Variants in HCN1 observed in about 807,000 individuals in gnomAD.
HCN1 encodes the protein potassium/sodium hyperpolarization-activated cyclic nucleotide-gated channel 1.
A neutral mutation model predicts 78.9 loss-of-function variants in HCN1; 13 were observed. The ratio of observed to expected loss-of-function variants is 0.16; its 90% CI spans 0.11 to 0.26. The LOEUF is 0.26. Ranked by LOEUF, HCN1 falls within the 10% of genes least tolerant of loss-of-function variation. The pLI is 1.00. For missense variants in HCN1, 810 were observed against 1,154.3 expected (o/e 0.70, Z 4.32); for synonymous variants, 552 against 455.5 (o/e 1.21, Z -2.70).
At chr5:45,345,929 G>A (rs964659481) in intron 5 of HCN1, among the ~76,000 whole-genome samples, 10 of 152,148 alleles carry the variant, frequency 6.6e-5, no homozygotes, top group African/African-American at 1.9e-4. Flanking sequence ...AGACATACTC[G>A]AAAATGAGTT....
At chr5:45,593,212 GCACA>G (rs58822250) in intron 2 of HCN1, among the ~76,000 whole-genome samples, 69,566 of 149,326 alleles carry the variant, frequency 0.47, 18,136 homozygotes, top group Non-Finnish European at 0.57. Flanking sequence ...GCACGCACGC[GCACA>G]CACACACACA....
intron 2 of HCN1, among the ~76,000 whole-genome samples, chr5:45,625,122 G>T (rs934685394): frequency 6.6e-6 from 1 of 152,208 alleles, no homozygotes; most frequent in South Asian, 2.1e-4. Context: ...AGCCAACATA[G>T]TGAAACCCCA....
At chr5:45,464,656 T>C (rs992659171) in intron 2 of HCN1, among the ~76,000 whole-genome samples, 2 of 151,796 alleles carry the variant, frequency 1.3e-5, no homozygotes, top group Admixed American at 1.3e-4. Context: ...TAAAAGAGCA[T>C]ATGTAAAGTA....
intron 3 of HCN1, among the ~76,000 whole-genome samples, chr5:45,429,652 G>A (rs554639319): frequency 6.6e-6 from 1 of 152,204 alleles, no homozygotes; most frequent in Non-Finnish European, 1.5e-5. Flanking sequence ...AAAGCAGAAT[G>A]TTTGAGATTT....
intron 5 of HCN1, among the ~76,000 whole-genome samples, chr5:45,349,654 A>G (rs1746840806): frequency 6.6e-6 from 1 of 152,202 alleles, no homozygotes; most frequent in South Asian, 2.1e-4. Flanking sequence ...AAAAGAGAAA[A>G]GAATGAAATA....
chr5:45,324,483 A>C (rs914882876), intron 5 of HCN1, among the ~76,000 whole-genome samples: 7 of 152,004 alleles, frequency 4.6e-5, no homozygotes, highest in African/African-American at 1.7e-4. Flanking sequence ...AATGACGATC[A>C]TTAAAAGTCA....
intron 1 of HCN1, among the ~76,000 whole-genome samples, chr5:45,656,467 C>A (rs1212377848): frequency 3.3e-5 from 5 of 152,168 alleles, no homozygotes; most frequent in Non-Finnish European, 5.9e-5. Context: ...TGCAAACATT[C>A]ATTGAGCAGC....
intron 3 of HCN1, among the ~76,000 whole-genome samples, chr5:45,448,566 C>G (rs1740844923): frequency 6.6e-6 from 1 of 152,142 alleles, no homozygotes; most frequent in South Asian, 2.1e-4. Flanking sequence ...AAAATAAAAA[C>G]AAAGTTTTAC....
chr5:45,491,179 C>T (rs941360846), intron 2 of HCN1, among the ~76,000 whole-genome samples: 2 of 152,000 alleles, frequency 1.3e-5, no homozygotes, highest in Admixed American at 1.3e-4. Context: ...CATGTATTGC[C>T]CTAGAACTCT....
intron 3 of HCN1, among the ~76,000 whole-genome samples, chr5:45,460,786 A>G (rs1163850274): frequency 6.6e-6 from 1 of 151,978 alleles, no homozygotes; most frequent in Non-Finnish European, 1.5e-5. Context: ...TTAACTGTCA[A>G]TGTAAATCGC....
At chr5:45,381,312 A>G (rs1447433045) in intron 4 of HCN1, among the ~76,000 whole-genome samples, 2 of 152,106 alleles carry the variant, frequency 1.3e-5, no homozygotes, top group Non-Finnish European at 2.9e-5. Flanking sequence ...TTTCTTCCCA[A>G]AACGTAGATT....
In HCN1 at chr5:45,695,728, C is replaced by T; in HGVS notation, c.366G>A (p.Lys122=). 1 of 1,612,610 alleles carries T rather than the reference C, an allele frequency of 6.2e-7. No individual in the cohort carries two copies. Among genetic ancestry groups the T allele is most frequent in the Non-Finnish European group, 8.5e-7 (1 of 1,179,738 alleles). The stretch of plus-strand genomic sequence containing the variant: ...CTGCAGTTTTAACCCTTTCCTGCTC[C>T]TTTTCCACCGCCTTCTGGCTCCCAA... ...RMFGSQKAVE[K]EQERVKTAGF... The change falls in exon 1 of 8, where the codon AAG becomes AAA. Residue 122 remains lysine (K), a synonymous_variant. Coordinates refer to ENST00000303230, the MANE Select transcript of HCN1 (RefSeq NM_021072.4).
chr5:45,332,400 T>C (rs1183223196), intron 5 of HCN1, among the ~76,000 whole-genome samples: 5 of 151,420 alleles, frequency 3.3e-5, no homozygotes, highest in Non-Finnish European at 5.9e-5. Flanking sequence ...TATAGTCACC[T>C]TGCTGTGCTG....
intron 3 of HCN1, among the ~76,000 whole-genome samples, chr5:45,409,367 C>A (rs183095142): frequency 6.6e-6 from 1 of 151,920 alleles, no homozygotes; most frequent in African/African-American, 2.4e-5. Flanking sequence ...AAATCTAATG[C>A]TTAGAGATGG....
At chr5:45,560,802 T>G (rs1743582655) in intron 2 of HCN1, among the ~76,000 whole-genome samples, 1 of 152,100 alleles carries the variant, frequency 6.6e-6, no homozygotes, top group Non-Finnish European at 1.5e-5. Flanking sequence ...CACAGTCATA[T>G]TGCTTTTAGT....
intron 3 of HCN1, among the ~76,000 whole-genome samples, chr5:45,437,343 T>C (rs1385742594): frequency 6.6e-6 from 1 of 152,216 alleles, no homozygotes; most frequent in Non-Finnish European, 1.5e-5. Flanking sequence ...TTAGTTAATA[T>C]ATTTCAATTT....
At chr5:45,407,408 T>C (rs1739946068) in intron 3 of HCN1, among the ~76,000 whole-genome samples, 2 of 152,180 alleles carry the variant, frequency 1.3e-5, no homozygotes, top group African/African-American at 2.4e-5. Context: ...CGAGTTTATG[T>C]ATTTAGTATA....
chr5:45,453,238 T>A (rs2111603836), intron 3 of HCN1, among the ~76,000 whole-genome samples: 1 of 152,222 alleles, frequency 6.6e-6, no homozygotes, highest in Admixed American at 6.5e-5. Context: ...TATCCGTAAA[T>A]TGAATAATAC....
intron 6 of HCN1, among the ~76,000 whole-genome samples, chr5:45,292,790 A>G (rs1027911327): frequency 3.3e-5 from 5 of 152,016 alleles, no homozygotes; most frequent in Non-Finnish European, 5.9e-5. Context: ...CAAAGAAAAT[A>G]TATCTATCCA....
Sources: allele counts gnomAD v4.1 joint callset (sites outside exome capture counted in the v4.1 genomes callset), GRCh38; gene constraint gnomAD v4.1.1; transcripts MANE v1.5; gene names NCBI Gene and HGNC (gene_info 2026-07-23, HGNC 2026-07-21).